Variants in BEAN1 observed in about 807,000 individuals in gnomAD.
The protein encoded by BEAN1 is brain expressed associated with NEDD4 1, also known as protein BEAN1.
A neutral mutation model predicts 17.7 loss-of-function variants in BEAN1; 17 were observed. The ratio of observed to expected loss-of-function variants is 0.96; its 90% CI spans 0.66 to 1.44. The LOEUF (loss-of-function observed/expected upper bound fraction) is 1.44, where lower values mean the gene tolerates loss of function less well. BEAN1 is among the 40% of genes most tolerant of loss of function. The probability of loss-of-function intolerance (pLI) is 0.00; values close to 1 mark genes in which losing one functional copy is unlikely to be tolerated. For synonymous variants in BEAN1, 142 were observed against 151.8 expected, an observed-to-expected ratio of 0.94 and a Z score of 0.47; for missense variants, 359 against 374.1, an observed-to-expected ratio of 0.96 and a Z score of 0.33.
At chr16:66,457,349 G>C (rs1241245252) in intron 2 of BEAN1, among the ~76,000 whole-genome samples, 1 of 152,108 alleles carries the variant, frequency 6.6e-6, no homozygotes. Flanking sequence ...AATTGATGGA[G>C]GATTGTTGAA....
intron 3 of BEAN1, among the ~76,000 whole-genome samples, chr16:66,472,111 G>GA (rs1282506659): frequency 1.3e-5 from 2 of 152,064 alleles, no homozygotes; most frequent in East Asian, 1.9e-4. Flanking sequence ...TTCTCGAACC[G>GA]AAAAAAAGCC....
intron 4 of BEAN1, among the ~76,000 whole-genome samples, chr16:66,490,396 CAATAAAATAAAATAA>C (rs202234411): frequency 0.13 from 8,967 of 67,530 alleles, 784 homozygotes; most frequent in East Asian, 0.25. Context: ...GACTCTGTTT[CAATAAAATAAAATAA>C]AATAAAATAA....
At chr16:66,463,338 T>C (rs918668415) in intron 2 of BEAN1, among the ~76,000 whole-genome samples, 4 of 152,240 alleles carry the variant, frequency 2.6e-5, no homozygotes, top group Non-Finnish European at 5.9e-5. Flanking sequence ...ATAGCCATCC[T>C]ACTGGGTGTG....
intron 2 of BEAN1, among the ~76,000 whole-genome samples, chr16:66,452,660 G>A (rs1360656347): frequency 6.6e-6 from 1 of 152,190 alleles, no homozygotes; most frequent in African/African-American, 2.4e-5. Flanking sequence ...GTGTTTATTG[G>A]GGAAATTTCT....
At position 66,481,395 on chromosome 16, in the gene BEAN1, C is replaced by T. The variant is rs1157322891; in HGVS notation, c.*470C>T. ...ATCCAAGGTCAGCTGCCTGCCCTGA[C>T]CCCTACCCCAGGGCCAGCTTGTCCT... On this transcript the variant is annotated 3_prime_UTR_variant, in exon 5 of 5. Coordinates refer to ENST00000536005, the MANE Select transcript of BEAN1 (RefSeq NM_001178020.3). The surrounding 1 kb of genome is among the most constrained non-coding windows in gnomAD (Gnocchi z 4.1). 2.5e-6 allele frequency: 1 copy of T among 397,026 alleles called. No individual in the cohort carries two copies. Among genetic ancestry groups the T allele is most frequent in the African/African-American group, 2.1e-5 (1 of 48,756 alleles). 24.6% of individuals were successfully genotyped at this position (397,026 alleles called of 1,614,324 possible). A position where few individuals can be genotyped will look rare whatever the true frequency, so the allele number is the denominator to read the frequency against.
rs554923367 is a variant in BEAN1 at position 66,453,158 on chromosome 16, G to A, written c.25+15457G>A. Among the ~76,000 whole-genome samples the A allele has an allele frequency of 3.5e-3, 535 of 151,900 alleles. 4 individuals are homozygous for A. The highest frequency in any genetic ancestry group is 0.013 in the African/African-American group (518 of 41,404). ...TTATTTCCTTCCTCTACTTGCTTTG[G>A]GTTTTGTTTACTCTTTTTCTAGTTT... is the stretch of plus-strand genomic sequence containing the variant. On this transcript the variant is annotated intron_variant, in intron 2 of 4. Coordinates refer to ENST00000536005, the MANE Select transcript of BEAN1 (RefSeq NM_001178020.3).
chr16:66,475,092 G>A (rs901644081), intron 3 of BEAN1, among the ~76,000 whole-genome samples: 3 of 152,196 alleles, frequency 2.0e-5, no homozygotes, highest in African/African-American at 7.2e-5. Context: ...GTAAACAGGA[G>A]GTTTCAGCTT....
downstream of BEAN1, chr16:66,485,603 C>A (rs369879997): frequency 4.8e-5 from 8 of 167,754 alleles, no homozygotes; most frequent in African/African-American, 7.2e-5. Flanking sequence ...CTGGGCAGAT[C>A]TTTACCCCCA....
intron 4 of BEAN1, 95 bp downstream of exon 4, chr16:66,477,805 A>G (rs934443722): frequency 1.5e-6 from 2 of 1,331,170 alleles, no homozygotes; most frequent in Admixed American, 3.1e-5. Flanking sequence ...GCACCTCTGC[A>G]TGTCGTATAA....
chr16:66,467,073 C>A (rs763054873), intron 2 of BEAN1, among the ~76,000 whole-genome samples: 7 of 152,198 alleles, frequency 4.6e-5, no homozygotes, highest in Non-Finnish European at 1.0e-4. Flanking sequence ...TATACATGCT[C>A]TATGCAAGAC....
chr16:66,449,109 C>T (rs1250867552), intron 2 of BEAN1, among the ~76,000 whole-genome samples: 3 of 152,170 alleles, frequency 2.0e-5, no homozygotes, highest in Non-Finnish European at 4.4e-5. Context: ...ATTAACTTGA[C>T]TTTTGTCACC....
Position 66,480,633 on chromosome 16 carries a change from CG to C in BEAN1, c.490del (p.Asp164ThrfsTer8). ...GGGGCCACTCAGCTGTATGTCCCCACGGACGCACCACCACCCTACTCGCTGA... is the reference window on the plus strand; with the variant it reads ...GGGGCCACTCAGCTGTATGTCCCCACGACGCACCACCACCCTACTCGCTGA... ...GPGATQLYVP[T>X]DAPPPYSLTD... is the part of the protein sequence containing the mutation. On this transcript the variant is annotated frameshift_variant, in exon 5 of 5. Coordinates refer to ENST00000536005, the MANE Select transcript of BEAN1 (RefSeq NM_001178020.3). LOFTEE classifies it low-confidence loss of function (END_TRUNC). 1 of 1,550,800 alleles carries C rather than the reference CG, an allele frequency of 6.4e-7. No homozygotes were observed. Among genetic ancestry groups the C allele is most frequent in the Non-Finnish European group, 8.7e-7 (1 of 1,146,352 alleles).
downstream of BEAN1, chr16:66,485,843 C>G (rs1164832940): frequency 6.6e-6 from 1 of 152,430 alleles, no homozygotes; most frequent in Non-Finnish European, 1.5e-5. Flanking sequence ...GAAGAGCATC[C>G]CTTGAAAAGG....
exon 5 of BEAN1, chr16:66,493,305 G>T (rs1332366119): frequency 1.4e-6 from 1 of 700,766 alleles, no homozygotes; most frequent in East Asian, 2.7e-5. Flanking sequence ...CCACAGCAAG[G>T]TCCCTCAGAA....
intron 2 of BEAN1, among the ~76,000 whole-genome samples, chr16:66,466,154 G>C (rs1391793070): frequency 2.6e-5 from 4 of 152,186 alleles, no homozygotes; most frequent in African/African-American, 9.7e-5. Flanking sequence ...TCTGGGCCGG[G>C]CGTGGTGGCT....
intron 4 of BEAN1, among the ~76,000 whole-genome samples, chr16:66,488,531 A>AAAC (rs1555522816): frequency 9.5e-5 from 14 of 147,848 alleles, no homozygotes; most frequent in African/African-American, 3.6e-4. Flanking sequence ...AAAAAAAAAA[A>AAAC]AAAAAAAAAC....
At chr16:66,475,645 G>C (rs555720044) in intron 3 of BEAN1, 10 of 152,310 alleles carry the variant, frequency 6.6e-5, no homozygotes, top group Admixed American at 3.3e-4. Flanking sequence ...TCTTTCCTAA[G>C]TTCTTCCAAA....
chr16:66,437,667 C>T lies in BEAN1; in HGVS notation c.-10C>T. On this transcript the variant is annotated 5_prime_UTR_variant, in exon 2 of 5. Coordinates refer to ENST00000536005, the MANE Select transcript of BEAN1 (RefSeq NM_001178020.3). ...GCAGGCTGGCTCCGCTGTTCTGCTC[C>T]AAGGATTACATGTCCTTCAAACGTC... The T allele has an allele frequency of 6.5e-7, 1 of 1,535,976 alleles. No individual in the cohort carries two copies. The highest frequency in any genetic ancestry group is 8.7e-7 in the Non-Finnish European group (1 of 1,146,798).
intron 4 of BEAN1, 119 bp from the exon 5 acceptor site, chr16:66,480,466 CA>C: frequency 1.3e-6 from 1 of 789,434 alleles, no homozygotes. Flanking sequence ...CCAGCGTGGA[CA>C]AGGCCCACCC....
Sources: gnomAD v4.1 joint callset for allele counts (sites outside exome capture counted in the v4.1 genomes callset) on GRCh38, gnomAD v4.1.1 for gene constraint, Gnocchi (gnomAD v3.1) non-coding constraint, MANE v1.5 for transcripts, NCBI Gene and HGNC (gene_info 2026-07-23, HGNC 2026-07-21) for gene names.